Variants in CREB5 observed in about 807,000 individuals in gnomAD.
The protein encoded by CREB5 is cAMP responsive element binding protein 5.
In CREB5, 19 loss-of-function variants were observed where a neutral mutation model predicts 57.1. That is an observed-to-expected ratio of 0.33 (90% confidence interval 0.23 to 0.49). CREB5 has a LOEUF of 0.49. Ranked by LOEUF, CREB5 falls within the 20% of genes least tolerant of loss-of-function variation. The pLI is 0.99. For synonymous variants in CREB5, 238 were observed against 238.3 expected (o/e 1.00, Z 0.01); for missense variants, 579 against 671.6 (o/e 0.86, Z 1.52).
At chr7:28,546,055 C>T (rs1054515481) in intron 4 of CREB5, among the ~76,000 whole-genome samples, 3 of 152,182 alleles carry the variant, frequency 2.0e-5, no homozygotes, top group Non-Finnish European at 4.4e-5. Context: ...CCGTCCCCAT[C>T]CCCTTAGTCC....
intron 1 of CREB5, among the ~76,000 whole-genome samples, chr7:28,402,328 G>A (rs1216335473): frequency 6.6e-6 from 1 of 152,026 alleles, no homozygotes; most frequent in Non-Finnish European, 1.5e-5. Context: ...CTACTTGAAA[G>A]TTCATGTGGA....
At chr7:28,720,609 C>T (rs1802977896) in intron 6 of CREB5, among the ~76,000 whole-genome samples, 1 of 152,142 alleles carries the variant, frequency 6.6e-6, no homozygotes, top group Non-Finnish European at 1.5e-5. Context: ...ACCCTAAATA[C>T]TGAGTAGTCC....
At chr7:28,672,685 C>G (rs1274361586) in intron 5 of CREB5, among the ~76,000 whole-genome samples, 1 of 152,094 alleles carries the variant, frequency 6.6e-6, no homozygotes. Flanking sequence ...CTGGATGAGA[C>G]CTCCCCTACA....
chr7:28,376,036 C>G (rs575168941), intron 1 of CREB5, among the ~76,000 whole-genome samples: 4 of 152,266 alleles, frequency 2.6e-5, no homozygotes, highest in African/African-American at 9.6e-5. Context: ...TCCCACCATG[C>G]CCCTTCCAGC....
intron 1 of CREB5, among the ~76,000 whole-genome samples, chr7:28,369,804 T>C (rs564253583): frequency 2.4e-4 from 37 of 152,254 alleles, no homozygotes; most frequent in Middle Eastern, 3.4e-3. Flanking sequence ...AATCTAATCT[T>C]CACCAGACAC....
chr7:28,462,318 T>C (rs888487409), intron 1 of CREB5, among the ~76,000 whole-genome samples: 6 of 152,208 alleles, frequency 3.9e-5, no homozygotes, highest in Non-Finnish European at 8.8e-5. Context: ...CATTCATTAG[T>C]TGGGCATTTG....
At chr7:28,660,842 C>T (rs1799583221) in intron 5 of CREB5, among the ~76,000 whole-genome samples, 1 of 152,146 alleles carries the variant, frequency 6.6e-6, no homozygotes, top group South Asian at 2.1e-4. Context: ...TTGGCACTGC[C>T]TGCAGGGTTT....
At chr7:28,452,804 G>A (rs1789888089) in intron 1 of CREB5, among the ~76,000 whole-genome samples, 1 of 152,226 alleles carries the variant, frequency 6.6e-6, no homozygotes, top group Non-Finnish European at 1.5e-5. Context: ...AAAGGCCTGG[G>A]GGACTCAGTC....
At chr7:28,657,177 G>A (rs1347926387) in intron 5 of CREB5, among the ~76,000 whole-genome samples, 1 of 152,170 alleles carries the variant, frequency 6.6e-6, no homozygotes, top group Non-Finnish European at 1.5e-5. Context: ...GTACATGGTG[G>A]ATGTAGTTGT....
intron 7 of CREB5, among the ~76,000 whole-genome samples, chr7:28,732,834 T>C (rs931817826): frequency 8.0e-6 from 1 of 124,504 alleles, no homozygotes; most frequent in Non-Finnish European, 1.8e-5. Flanking sequence ...TTCCTAAAGG[T>C]TTAGGGTTGT....
chr7:28,814,508 G>A (rs2128807686), intron 9 of CREB5, among the ~76,000 whole-genome samples: 1 of 152,280 alleles, frequency 6.6e-6, no homozygotes, highest in Non-Finnish European at 1.5e-5. Context: ...GCTAGAACTG[G>A]CTCCCTTATG....
chr7:28,484,095 C>A (rs1434696766), intron 1 of CREB5, among the ~76,000 whole-genome samples: 1 of 152,044 alleles, frequency 6.6e-6, no homozygotes, highest in Non-Finnish European at 1.5e-5. Flanking sequence ...AGTTGCCAAG[C>A]AAAACTTGGT....
chr7:28,310,725 C>T (rs1785261078), intron 1 of CREB5, among the ~76,000 whole-genome samples: 1 of 152,218 alleles, frequency 6.6e-6, no homozygotes, highest in African/African-American at 2.4e-5. Context: ...CTGTCTCCCT[C>T]TTTTCGGTTG....
chr7:28,517,614 T>A (rs1197638753), intron 4 of CREB5, among the ~76,000 whole-genome samples: 1 of 152,218 alleles, frequency 6.6e-6, no homozygotes, highest in Non-Finnish European at 1.5e-5. Flanking sequence ...GAACTAGTTG[T>A]TCTGGTGAGC....
At position 28,818,666 on chromosome 7, in the gene CREB5, G is replaced by C. The variant is rs1278149053; in HGVS notation, c.1364-450G>C. 9.1e-6 allele frequency: 4 copies of C among 441,322 alleles called. No homozygotes were observed. The Admixed American group carries it at 1.0e-4, about 11-fold the overall frequency. 27.3% of individuals were successfully genotyped at this position (441,322 alleles called of 1,614,324 possible). A position where few individuals can be genotyped will look rare whatever the true frequency, so the allele number is the denominator to read the frequency against. On this transcript the variant is annotated intron_variant, in intron 10 of 10. Transcript: ENST00000357727. ...CCTTCAGACCCCAGTTTCTGCATCT[G>C]GAATGCCAGTTGGTTAAATGATAGT...
chr7:28,453,902 C>T (rs1374783837), intron 1 of CREB5, among the ~76,000 whole-genome samples: 1 of 151,094 alleles, frequency 6.6e-6, no homozygotes, highest in Non-Finnish European at 1.5e-5. Context: ...AACCTTTTTG[C>T]TGGAAGAGGC....
intron 7 of CREB5, among the ~76,000 whole-genome samples, chr7:28,748,392 G>A (rs2128761830): frequency 6.6e-6 from 1 of 152,262 alleles, no homozygotes; most frequent in South Asian, 2.1e-4. Flanking sequence ...AACAATGTGT[G>A]GGCAAGGAAA....
chr7:28,560,923 C>CGTGCGCGTGCGCGT (rs1308050615), intron 4 of CREB5, among the ~76,000 whole-genome samples: 6 of 19,846 alleles, frequency 3.0e-4, no homozygotes, highest in Admixed American at 6.4e-4. Flanking sequence ...TGCGTGTGTG[C>CGTGCGCGTGCGCGT]GCGTGCGTGT....
chr7:28,513,992 C>A (rs1583561612), intron 4 of CREB5, among the ~76,000 whole-genome samples: 1 of 152,140 alleles, frequency 6.6e-6, no homozygotes, highest in Non-Finnish European at 1.5e-5. Flanking sequence ...AAAGAGTGGA[C>A]ACTTAATATT....
Sources: gnomAD v4.1 joint callset for allele counts (sites outside exome capture counted in the v4.1 genomes callset) on GRCh38, gnomAD v4.1.1 for gene constraint, MANE v1.5 for transcripts, NCBI Gene and HGNC (gene_info 2026-07-23, HGNC 2026-07-21) for gene names.